PIWIL1: variants seen among roughly 807,000 people sequenced by gnomAD.
PIWIL1 encodes piwi-like protein 1.
A neutral mutation model predicts 114.4 loss-of-function variants in PIWIL1; 73 were observed. The observed-to-expected ratio is 0.64, with a 90% CI of 0.53 to 0.78. The LOEUF (loss-of-function observed/expected upper bound fraction) is 0.78, where lower values mean the gene tolerates loss of function less well. PIWIL1 is among the 30% of genes least tolerant of loss of function. PIWIL1 has a pLI of 0.00. For missense variants in PIWIL1, 723 were observed against 1,063.1 expected (o/e 0.68, Z 4.45); for synonymous variants, 375 against 369.0 (o/e 1.02, Z -0.19).
chr12:130,424,377 G>T, the PIWIL1 span: 1 of 1,232,746 alleles, frequency 8.1e-7, no homozygotes, highest in Non-Finnish European at 1.0e-6. The surrounding 1 kb of genome is among the most constrained non-coding windows in gnomAD (Gnocchi z 9.8). Context: ...GCTCTGCCGG[G>T]TCAGCGTCCG....
rs2072753123 is a variant in PIWIL1 at position 130,337,920 on chromosome 12, GGC to G, written c.-236_-235del. The G allele has an allele frequency of 6.2e-6, 1 of 160,652 alleles. No homozygotes were observed. Among genetic ancestry groups the G allele is most frequent in the African/African-American group, 2.4e-5 (1 of 41,504 alleles). 10.0% of individuals were successfully genotyped at this position (160,652 alleles called of 1,614,324 possible). ...GCGTATGGCGTACAGACACGAGGCC[GGC>G]GCCCGGGAGGCGGTGTTCATCCGCC... On this transcript the variant is annotated 5_prime_UTR_variant, in exon 1 of 21. It removes the in-frame stop codon of an upstream open reading frame in the 5' UTR. Transcript: ENST00000245255.
intron 19 of PIWIL1, among the ~76,000 whole-genome samples, chr12:130,370,815 T>C (rs1325487849): frequency 6.6e-6 from 1 of 152,210 alleles, no homozygotes; most frequent in African/African-American, 2.4e-5. Context: ...CAGGTCGTGC[T>C]TCCAGAGTCT....
chr12:130,355,712 G>T, intron 12 of PIWIL1, 45 bp downstream of exon 12: 1 of 1,287,524 alleles, frequency 7.8e-7, no homozygotes, highest in Non-Finnish European at 1.1e-6. Context: ...TTGAGACGGA[G>T]TCTCGCTCTG....
At chr12:130,340,580 G>A (rs958914799) in intron 1 of PIWIL1, among the ~76,000 whole-genome samples, 1 of 141,576 alleles carries the variant, frequency 7.1e-6, no homozygotes, top group Non-Finnish European at 1.5e-5. Context: ...TTCCTGCTGT[G>A]TGGCCTGGTT....
chr12:130,399,140 G>T, the PIWIL1 span: 1 of 1,398,462 alleles, frequency 7.2e-7, no homozygotes, highest in Admixed American at 2.5e-5. Flanking sequence ...CCTGATTAAG[G>T]TGTGAAATGA....
At chr12:130,367,407 A>G (rs2073690921) in intron 19 of PIWIL1, 149 bp downstream of exon 19, 2 of 752,328 alleles carry the variant, frequency 2.7e-6, no homozygotes, top group Non-Finnish European at 4.0e-6. Context: ...TTGGTCAAAC[A>G]TAATTAATAA....
chr12:130,412,902 A>C, the PIWIL1 span: 891 of 1,017,452 alleles, frequency 8.8e-4, 6 homozygotes, highest in African/African-American at 0.012. Flanking sequence ...ATAGTTTAAA[A>C]ATACCATAAA....
chr12:130,354,481 T>G, intron 9 of PIWIL1, 56 bp from the exon 10 acceptor site: 3 of 1,609,250 alleles, frequency 1.9e-6, no homozygotes, highest in Non-Finnish European at 2.5e-6. Context: ...TTTTGCCCAC[T>G]GAGATGCTAC....
chr12:130,367,691 A>T (rs1300501374), intron 19 of PIWIL1, among the ~76,000 whole-genome samples: 1 of 152,304 alleles, frequency 6.6e-6, no homozygotes, highest in South Asian at 2.1e-4. Flanking sequence ...GCCGAGCTGC[A>T]CTCACCGACC....
chr12:130,347,221 A>T (rs578181097), intron 6 of PIWIL1, among the ~76,000 whole-genome samples, 159 bp downstream of exon 6: 3 of 152,154 alleles, frequency 2.0e-5, no homozygotes, highest in Non-Finnish European at 2.9e-5. Flanking sequence ...CTGATAGAAA[A>T]TTCATCTATT....
chr12:130,405,913 A>G, the PIWIL1 span, among the ~76,000 whole-genome samples: 1 of 152,170 alleles, frequency 6.6e-6, no homozygotes, highest in African/African-American at 2.4e-5. Flanking sequence ...ATATGAATGT[A>G]TTTGTTTTGT....
chr12:130,412,297 G>A, the PIWIL1 span, among the ~76,000 whole-genome samples: 4 of 152,242 alleles, frequency 2.6e-5, no homozygotes, highest in East Asian at 3.9e-4. Flanking sequence ...TGTTCAAACC[G>A]TATTACCAGA....
the PIWIL1 span, among the ~76,000 whole-genome samples, chr12:130,405,881 G>A: frequency 6.6e-6 from 1 of 152,072 alleles, no homozygotes; most frequent in African/African-American, 2.4e-5. Context: ...ATGTTTGGGT[G>A]GCAGCAATTT....
chr12:130,424,625 G>A, the PIWIL1 span: 1 of 1,231,912 alleles, frequency 8.1e-7, no homozygotes, highest in Non-Finnish European at 1.0e-6. The surrounding 1 kb of genome is among the most constrained non-coding windows in gnomAD (Gnocchi z 9.8). Flanking sequence ...CCGGGAACCA[G>A]GAGCCCCGAG....
chr12:130,399,691 T>A, the PIWIL1 span: 43 of 1,613,988 alleles, frequency 2.7e-5, no homozygotes, highest in Non-Finnish European at 3.5e-5. Context: ...TTTTTGCCTT[T>A]GAGCGCATTG....
the PIWIL1 span, chr12:130,396,535 A>G: frequency 2.0e-5 from 3 of 152,638 alleles, no homozygotes; most frequent in African/African-American, 7.2e-5. Context: ...TGGCTTATGC[A>G]TTATGTGGAT....
chr12:130,424,709 C>T, the PIWIL1 span: 2 of 1,232,258 alleles, frequency 1.6e-6, no homozygotes, highest in Non-Finnish European at 2.0e-6. The surrounding 1 kb of genome is among the most constrained non-coding windows in gnomAD (Gnocchi z 9.8). Flanking sequence ...TGGGGGACGG[C>T]CCTGCACCCT....
chr12:130,345,134 C>T (rs2136131804), intron 3 of PIWIL1, among the ~76,000 whole-genome samples: 1 of 152,258 alleles, frequency 6.6e-6, no homozygotes, highest in East Asian at 1.9e-4. Flanking sequence ...GTTCTTATAA[C>T]CACAGCTTGT....
intron 19 of PIWIL1, among the ~76,000 whole-genome samples, chr12:130,370,289 A>C (rs1355797397): frequency 6.6e-6 from 1 of 152,016 alleles, no homozygotes; most frequent in Non-Finnish European, 1.5e-5. Flanking sequence ...TTTGTACTAC[A>C]GGCGGCTCTC....
Sources: allele counts gnomAD v4.1 joint callset (sites outside exome capture counted in the v4.1 genomes callset), GRCh38; gene constraint gnomAD v4.1.1; non-coding constraint Gnocchi (gnomAD v3.1); transcripts MANE v1.5; gene names NCBI Gene and HGNC (gene_info 2026-07-23, HGNC 2026-07-21).